The following BTBD16 variants were observed in gnomAD, a reference collection of about 807,000 sequenced individuals.
BTBD16 encodes BTB domain containing 16.
BTBD16 carries 66 observed loss-of-function variants against 67.4 expected under a neutral mutation model. The observed-to-expected ratio is 0.98, with a 90% CI of 0.80 to 1.20. BTBD16 has a LOEUF of 1.20. BTBD16 is among the 50% of genes most tolerant of loss of function. BTBD16 has a pLI of 0.00. For missense variants in BTBD16, 634 were observed against 616.0 expected, an observed-to-expected ratio of 1.03 and a Z score of -0.31; for synonymous variants, 242 against 236.4, an observed-to-expected ratio of 1.02 and a Z score of -0.22.
chr10:122,276,888 T>C lies in BTBD16; in HGVS notation c.116T>C (p.Met39Thr), dbSNP rs551138650. 1 of 1,614,218 alleles carries C rather than the reference T, an allele frequency of 6.2e-7. No individual in the cohort carries two copies. Among genetic ancestry groups the C allele is most frequent in the South Asian group, 1.1e-5 (1 of 91,076 alleles). Residue 39 changes from methionine (M) to threonine (T), a missense_variant, in exon 3 of 16, where the codon ATG becomes ACG. Transcript: ENST00000260723. ...GGGGACCTGCTCTCACTTTCCCAGA[T>C]GTGCAAGGCTCTGAGCATAGACTTT... ...FSGDLLSLSQ[M>T]CKALSIDFEE...
At chr10:122,310,602 A>G (rs1401421138) in intron 10 of BTBD16, among the ~76,000 whole-genome samples, 1 of 152,334 alleles carries the variant, frequency 6.6e-6, no homozygotes, top group East Asian at 1.9e-4. Context: ...GGGATGTGCC[A>G]GGAGCATTTC....
At chr10:122,337,615 A>C (rs1565043413) in intron 15 of BTBD16, among the ~76,000 whole-genome samples, 2 of 152,200 alleles carry the variant, frequency 1.3e-5, no homozygotes, top group East Asian at 3.9e-4. Flanking sequence ...CAGGAGCCTG[A>C]CACCACACCC....
At chr10:122,331,873 C>T (rs1383627358) in intron 12 of BTBD16, 1 of 155,448 alleles carries the variant, frequency 6.4e-6, no homozygotes, top group African/African-American at 2.4e-5. Flanking sequence ...GCGCTCCCCG[C>T]ACCATAGATC....
At chr10:122,282,479 TG>T (rs1209024690) in intron 3 of BTBD16, among the ~76,000 whole-genome samples, 1 of 152,166 alleles carries the variant, frequency 6.6e-6, no homozygotes, top group Non-Finnish European at 1.5e-5. Context: ...CCCTGACCCA[TG>T]GGGTCTCCTG....
intron 12 of BTBD16, chr10:122,331,877 A>G (rs1379969762): frequency 1.3e-5 from 2 of 155,680 alleles, no homozygotes; most frequent in South Asian, 2.0e-4. Flanking sequence ...TCCCCGCACC[A>G]TAGATCTCGA....
intron 3 of BTBD16, among the ~76,000 whole-genome samples, chr10:122,277,535 G>A (rs1450303896): frequency 6.6e-6 from 1 of 152,160 alleles, no homozygotes; most frequent in Non-Finnish European, 1.5e-5. Flanking sequence ...AAGAAGCATG[G>A]CGCCAGCATC....
intron 1 of BTBD16, 144 bp from the exon 2 acceptor site, chr10:122,274,896 A>G: frequency 6.7e-6 from 4 of 595,200 alleles, no homozygotes; most frequent in Non-Finnish European, 1.2e-5. Flanking sequence ...CAACAACAAG[A>G]TATTCTCTTG....
intron 6 of BTBD16, among the ~76,000 whole-genome samples, chr10:122,290,266 C>T (rs1021439392): frequency 1.3e-5 from 2 of 152,154 alleles, no homozygotes; most frequent in African/African-American, 2.4e-5. Context: ...GAGAAGACAG[C>T]GGCTTCTCAG....
chr10:122,331,411 G>A, intron 12 of BTBD16, 153 bp downstream of exon 12: 3 of 813,316 alleles, frequency 3.7e-6, no homozygotes, highest in Non-Finnish European at 4.5e-6. Context: ...GGAGAGCAGT[G>A]CCTGGGAAGG....
chr10:122,329,247 C>T (rs890432801), intron 10 of BTBD16, among the ~76,000 whole-genome samples: 3 of 152,066 alleles, frequency 2.0e-5, no homozygotes, highest in African/African-American at 7.2e-5. Context: ...TGGTAGATGC[C>T]GAGGGGACTA....
In BTBD16 at chr10:122,276,840, G is replaced by A. The variant is rs1042679506; in HGVS notation, c.68G>A (p.Arg23His). ...RRVTGSTNRW[R>H]LPKQPFSGDL... is the part of the protein sequence containing the mutation. ...GTCACTGGCTCAACCAACCGGTGGCGTTTGCCCAAACAGCCTTTCTCTGGG... is the reference window on the plus strand; with the variant it reads ...GTCACTGGCTCAACCAACCGGTGGCATTTGCCCAAACAGCCTTTCTCTGGG... Residue 23 changes from arginine to histidine, a missense_variant, in exon 3 of 16, where the codon CGT (arginine) becomes CAT (histidine). Arg to His is a conservative substitution (Grantham distance 29). Coordinates refer to ENST00000260723, the MANE Select transcript of BTBD16 (RefSeq NM_144587.5). 17 of 1,614,116 alleles carry A rather than the reference G, an allele frequency of 1.1e-5. No homozygotes were observed. The highest frequency in any genetic ancestry group is 3.3e-5 in the South Asian group (3 of 91,096).
chr10:122,318,395 G>A (rs1469852795), intron 10 of BTBD16, among the ~76,000 whole-genome samples: 1 of 151,996 alleles, frequency 6.6e-6, no homozygotes, highest in Non-Finnish European at 1.5e-5. Flanking sequence ...TCTTTTCATA[G>A]ACATTTGGGT....
intron 12 of BTBD16, 42 bp from the exon 13 acceptor site, chr10:122,332,394 A>T (rs1275449470): frequency 5.6e-6 from 9 of 1,600,940 alleles, no homozygotes; most frequent in Non-Finnish European, 7.7e-6. Flanking sequence ...GCTCGTGTCC[A>T]GAGGATCCCA....
intron 10 of BTBD16, chr10:122,328,789 T>C: frequency 9.1e-6 from 9 of 985,424 alleles, no homozygotes; most frequent in Non-Finnish European, 1.1e-5. Context: ...AATGCGTGTC[T>C]GTGTGTGCGT....
intron 6 of BTBD16, among the ~76,000 whole-genome samples, chr10:122,290,281 G>C (rs147442376): frequency 1.3e-5 from 2 of 152,230 alleles, no homozygotes; most frequent in Non-Finnish European, 2.9e-5. Context: ...TCTCAGAGAC[G>C]GACCAAGCAC....
At chr10:122,304,295 G>A (rs1211706634) in intron 9 of BTBD16, among the ~76,000 whole-genome samples, 1 of 152,194 alleles carries the variant, frequency 6.6e-6, no homozygotes, top group African/African-American at 2.4e-5. Flanking sequence ...CATGAGAGGT[G>A]GGTGACATTT....
At chr10:122,297,741 C>G (rs780226092) in intron 7 of BTBD16, 27 bp from the exon 8 acceptor site, 2 of 1,613,232 alleles carry the variant, frequency 1.2e-6, no homozygotes. Flanking sequence ...TGGGGTTCCT[C>G]CAGAAACTGC....
chr10:122,297,861 C>T (rs1017938738), intron 8 of BTBD16, 24 bp downstream of exon 8: 3 of 1,611,654 alleles, frequency 1.9e-6, no homozygotes, highest in African/African-American at 2.7e-5. Context: ...AGACGGGGCA[C>T]ATCGCCCCTT....
At chr10:122,304,087 C>T (rs1034178778) in intron 9 of BTBD16, among the ~76,000 whole-genome samples, 11 of 152,142 alleles carry the variant, frequency 7.2e-5, no homozygotes, top group Non-Finnish European at 1.2e-4. Context: ...CACACCACTT[C>T]GCCAGCCCAG....
Sources: allele counts gnomAD v4.1 joint callset (sites outside exome capture counted in the v4.1 genomes callset), GRCh38; gene constraint gnomAD v4.1.1; transcripts MANE v1.5; gene names NCBI Gene and HGNC (gene_info 2026-07-23, HGNC 2026-07-21).